SHANK2: variants seen among roughly 807,000 people sequenced by gnomAD.
The protein encoded by SHANK2 is SH3 and multiple ankyrin repeat domains protein 2.
In SHANK2, 43 loss-of-function variants were observed where a neutral mutation model predicts 133.7. The observed-to-expected ratio is 0.32, with a 90% CI of 0.25 to 0.41. The LOEUF (loss-of-function observed/expected upper bound fraction) is 0.41, where lower values mean the gene tolerates loss of function less well. Among genes scored for constraint, SHANK2 ranks in the 10% least tolerant of loss-of-function variants. The pLI, the probability that SHANK2 is intolerant of heterozygous loss-of-function variation, is 1.00. For synonymous variants in SHANK2, 1,017 were observed against 952.8 expected (o/e 1.07, Z -1.24); for missense variants, 1,994 against 2,235.8 (o/e 0.89, Z 2.18).
At chr11:70,502,365 T>G (rs1359539150) in intron 18 of SHANK2, 79 bp from the exon 19 acceptor site, 10 of 1,380,050 alleles carry the variant, frequency 7.2e-6, no homozygotes, top group Non-Finnish European at 8.9e-6. Flanking sequence ...AGTGGCCCTG[T>G]GGCTGGCAGG....
intron 14 of SHANK2, among the ~76,000 whole-genome samples, chr11:70,728,445 A>G (rs1946218417): frequency 1.3e-5 from 2 of 152,338 alleles, no homozygotes. Context: ...TGGCAGCTGG[A>G]CTGGTTCATC....
At chr11:70,555,909 G>A (rs546005502) in intron 17 of SHANK2, among the ~76,000 whole-genome samples, 1 of 152,354 alleles carries the variant, frequency 6.6e-6, no homozygotes, top group East Asian at 1.9e-4. Flanking sequence ...TCAAGTCTAT[G>A]AAGGCTGAGA....
intron 11 of SHANK2, among the ~76,000 whole-genome samples, chr11:70,846,279 T>C (rs1948995742): frequency 6.6e-6 from 1 of 151,122 alleles, no homozygotes; most frequent in Admixed American, 6.6e-5. Flanking sequence ...ATTATTATTA[T>C]TAGAAACACG....
chr11:70,912,588 G>A (rs528910717), intron 10 of SHANK2, among the ~76,000 whole-genome samples: 37 of 152,234 alleles, frequency 2.4e-4, no homozygotes, highest in Admixed American at 1.2e-3. Context: ...CTCCCCAGCC[G>A]TGTGGAACTG....
At chr11:70,955,096 C>T (rs1950898832) in intron 10 of SHANK2, among the ~76,000 whole-genome samples, 1 of 152,232 alleles carries the variant, frequency 6.6e-6, no homozygotes, top group African/African-American at 2.4e-5. Context: ...TCCTTCCCTG[C>T]CCATATTAAA....
chr11:70,940,316 G>A lies in SHANK2; in HGVS notation c.1108-43749C>T, dbSNP rs545333155. 2.8e-4 allele frequency among the ~76,000 whole-genome samples: 39 copies of A among 139,016 alleles called. 1 individual carries two copies. Among genetic ancestry groups the A allele is most frequent in the African/African-American group, 8.0e-4 (30 of 37,368 alleles). The allele number at this position is 139,016 out of a possible 152,430, so 91.2% of individuals were successfully genotyped here. A position where few individuals can be genotyped will look rare whatever the true frequency, so the allele number is the denominator to read the frequency against. On this transcript the variant is annotated intron_variant, in intron 10 of 25. Coordinates refer to ENST00000601538, the MANE Select transcript of SHANK2 (RefSeq NM_012309.5). ...GGCTGGAGTGCAGTGGCGCGATCTC[G>A]GCTTACTGCAACCTCTGCCTCCTGG...
intron 17 of SHANK2, among the ~76,000 whole-genome samples, chr11:70,587,698 GTTTTTTT>G (rs34539549): frequency 8.4e-6 from 1 of 119,740 alleles, no homozygotes; most frequent in African/African-American, 3.3e-5. Context: ...AGCACGTCCA[GTTTTTTT>G]TTTTTTTTTT....
intron 17 of SHANK2, among the ~76,000 whole-genome samples, chr11:70,526,533 C>G (rs776218006): frequency 5.3e-5 from 8 of 152,188 alleles, no homozygotes; most frequent in Admixed American, 1.3e-4. Flanking sequence ...AGCGCACACG[C>G]GTCAGGGCCC....
chr11:71,224,143 G>A (rs1026224757), intron 2 of SHANK2, among the ~76,000 whole-genome samples: 5 of 152,226 alleles, frequency 3.3e-5, no homozygotes, highest in South Asian at 2.1e-4. Flanking sequence ...GCATGGAGCT[G>A]GTGGTAGTCA....
At chr11:71,059,968 G>A (rs1030252343) in intron 9 of SHANK2, among the ~76,000 whole-genome samples, 4 of 152,138 alleles carry the variant, frequency 2.6e-5, no homozygotes, top group African/African-American at 7.2e-5. Flanking sequence ...AGTGTGGACC[G>A]CTCCACAGAC....
chr11:70,662,229 G>A (rs1186139512), intron 15 of SHANK2: 6 of 202,098 alleles, frequency 3.0e-5, no homozygotes, highest in African/African-American at 9.4e-5. Flanking sequence ...CTCCCCGCAC[G>A]AGCCGGCAGC....
chr11:71,240,167 C>T (rs1954870949), intron 1 of SHANK2, among the ~76,000 whole-genome samples: 1 of 152,132 alleles, frequency 6.6e-6, no homozygotes, highest in Non-Finnish European at 1.5e-5. Context: ...GATAGGGATT[C>T]TCGGATCCAG....
intron 3 of SHANK2, among the ~76,000 whole-genome samples, chr11:71,135,271 C>A (rs58661988): frequency 6.6e-6 from 1 of 152,102 alleles, no homozygotes; most frequent in African/African-American, 2.4e-5. Flanking sequence ...TCGGTTGTAC[C>A]GGCTGATGGG....
chr11:70,741,195 C>T (rs1555034661), intron 14 of SHANK2, among the ~76,000 whole-genome samples: 1 of 151,572 alleles, frequency 6.6e-6, no homozygotes, highest in East Asian at 1.9e-4. Context: ...ATGCATTCAA[C>T]CACCCATCTA....
intron 9 of SHANK2, among the ~76,000 whole-genome samples, chr11:71,074,810 C>T (rs1651730530): frequency 2.2e-5 from 3 of 136,680 alleles, no homozygotes; most frequent in South Asian, 2.3e-4. Context: ...GACGGAGTCT[C>T]GCTCTGTAGC....
intron 3 of SHANK2, among the ~76,000 whole-genome samples, chr11:71,133,232 AGATGAATGGATGGATG>A (rs1300494926): frequency 1.9e-5 from 2 of 107,230 alleles, no homozygotes; most frequent in African/African-American, 5.9e-5. Context: ...GTGGATGCAC[AGATGAATGGATGGATG>A]GATGGATGGA....
intron 17 of SHANK2, among the ~76,000 whole-genome samples, chr11:70,525,137 G>GT (rs1364657237): frequency 9.2e-5 from 14 of 152,260 alleles, no homozygotes; most frequent in African/African-American, 3.4e-4. Context: ...AGGGACGCGT[G>GT]TGGAGGCTCT....
At position 70,470,762 on chromosome 11, in the gene SHANK2, T is replaced by C. The variant is rs1162457525; in HGVS notation, c.*2107A>G. ...ATTGACTTCAAGTTGGATTGGATCA[T>C]TTCAAATACAAAGATTGACCTGCAA... On this transcript the variant is annotated 3_prime_UTR_variant, in exon 26 of 26. Coordinates refer to ENST00000601538, the MANE Select transcript of SHANK2 (RefSeq NM_012309.5). The C allele has an allele frequency of 6.6e-6, 1 of 152,342 alleles. No individual in the cohort carries two copies. Among genetic ancestry groups the C allele is most frequent in the Non-Finnish European group, 1.5e-5 (1 of 68,124 alleles). The allele number at this position is 152,342 out of a possible 1,614,324, so 9.4% of individuals were successfully genotyped here.
chr11:70,490,112 G>T (rs1387686674), intron 23 of SHANK2, 164 bp downstream of exon 23: 9 of 638,230 alleles, frequency 1.4e-5, no homozygotes, highest in Non-Finnish European at 2.3e-5. Flanking sequence ...TCCCTAGTGG[G>T]CAAGGCCAGG....
Sources: gnomAD v4.1 joint callset for allele counts (sites outside exome capture counted in the v4.1 genomes callset) on GRCh38, gnomAD v4.1.1 for gene constraint, MANE v1.5 for transcripts, NCBI Gene and HGNC (gene_info 2026-07-23, HGNC 2026-07-21) for gene names.